Variants in PPL observed in about 807,000 individuals in gnomAD.
The protein encoded by PPL is periplakin.
Under a neutral mutation model 194.4 loss-of-function variants are expected in PPL, and 198 were observed. The ratio of observed to expected loss-of-function variants is 1.02; its 90% CI spans 0.91 to 1.15. PPL has a LOEUF of 1.15. PPL is among the 50% of genes most tolerant of loss of function. The pLI, the probability that PPL is intolerant of heterozygous loss-of-function variation, is 0.00. For missense variants in PPL, 2,885 were observed against 2,294.8 expected, an observed-to-expected ratio of 1.26 and a Z score of -5.25; for synonymous variants, 1,220 against 972.4, an observed-to-expected ratio of 1.25 and a Z score of -4.74.
At chr16:4,934,196 C>G (rs1413244549) in intron 1 of PPL, among the ~76,000 whole-genome samples, 1 of 152,180 alleles carries the variant, frequency 6.6e-6, no homozygotes, top group East Asian at 1.9e-4. Context: ...ACTCCCACAC[C>G]TGTCATTAGG....
In PPL at chr16:4,891,795, T is replaced by C; in HGVS notation, c.1968+16A>G. On this transcript the variant is annotated intron_variant, in intron 16 of 21. Transcript: ENST00000345988. ...TGCTCAGAGAAGGACTCCCAGGACT[T>C]GGGCCCTAGACTCACCGCCAGCTCC... is the stretch of plus-strand genomic sequence containing the variant. 6.3e-7 allele frequency: 1 copy of C among 1,596,494 alleles called. No individual in the cohort carries two copies. The highest frequency in any genetic ancestry group is 8.5e-7 in the Non-Finnish European group (1 of 1,172,338).
At position 4,884,297 on chromosome 16, in the gene PPL, G is replaced by T. The variant is rs753654745; in HGVS notation, c.4358C>A (p.Pro1453Gln). The T allele has an allele frequency of 6.2e-7, 1 of 1,611,124 alleles. No homozygotes were observed. The highest frequency in any genetic ancestry group is 1.3e-5 in the African/African-American group (1 of 74,914). ...HTQKVVLQQD[P>Q]QQAREHALLR... ...CAGGGCATGCTCTCGCGCCTGCTGC[G>T]GGTCCTGCTGCAGCACCACCTTCTG... Residue 1453 changes from proline (P) to glutamine (Q), a missense_variant, in exon 22 of 22, where the codon CCG becomes CAG. Pro to Gln is a moderately conservative substitution (Grantham distance 76). Transcript: ENST00000345988. This position sits in a 1 kb window ranked among gnomAD's most constrained non-coding sequence, Gnocchi z 5.7.
chr16:4,902,444 G>C lies in PPL; in HGVS notation c.400C>G (p.Pro134Ala), dbSNP rs753616422. The C allele has an allele frequency of 6.2e-7, 1 of 1,614,050 alleles. No individual in the cohort carries two copies. Residue 134 changes from proline (P) to alanine (A), a missense_variant, in exon 4 of 22, where the codon CCA (proline) becomes GCA (alanine). Pro to Ala is a conservative substitution (Grantham distance 27). Coordinates refer to ENST00000345988, the MANE Select transcript of PPL (RefSeq NM_002705.5). The surrounding 1 kb of genome is among the most constrained non-coding windows in gnomAD (Gnocchi z 4.0). ...ACCAGTGCCGCCCAGTTGACCTGTG[G>C]ATCCACTTCCTTCACCGCCAGCCTG... ...IYRLAVKEVD[P>A]QVNWAALVEE...
At position 4,903,879 on chromosome 16, in the gene PPL, G is replaced by A; in HGVS notation, c.317+7C>T. On this transcript the variant is annotated splice_region_variant and intron_variant, in intron 3 of 21. Coordinates refer to ENST00000345988, the MANE Select transcript of PPL (RefSeq NM_002705.5). The stretch of plus-strand genomic sequence containing the variant: ...CTCCCCTGGGGTAAGAAGCAGAAGG[G>A]ACCTACTCCTCGGCGATCATGTCCC... The A allele has an allele frequency of 6.2e-7, 1 of 1,613,790 alleles. No individual in the cohort carries two copies. Among genetic ancestry groups the A allele is most frequent in the Non-Finnish European group, 8.5e-7 (1 of 1,180,000 alleles).
At position 4,895,328 on chromosome 16, in the gene PPL, T is replaced by A. The variant is rs779327195; in HGVS notation, c.1175A>T (p.Lys392Met). 1.2e-6 allele frequency: 2 copies of A among 1,613,386 alleles called. No individual in the cohort carries two copies. Among genetic ancestry groups the A allele is most frequent in the East Asian group, 2.2e-5 (1 of 44,884 alleles). Residue 392 changes from lysine (K) to methionine (M), a missense_variant, in exon 11 of 22, where the codon AAG (lysine) becomes ATG (methionine). Lys to Met is a moderately conservative substitution (Grantham distance 95). Transcript: ENST00000345988. ...CTTGAGCGGAGTCTCCCGGCGGTAC[T>A]TGAGGGGCACCACCTGCTGGCCTCG... Reference protein sequence around the residue: ...QKRGQQVVPLKYRRETPLKPI... With the variant: ...QKRGQQVVPLMYRRETPLKPI...
At chr16:4,909,650 C>T (rs977557412) in intron 2 of PPL, among the ~76,000 whole-genome samples, 1 of 151,990 alleles carries the variant, frequency 6.6e-6, no homozygotes, top group African/African-American at 2.4e-5. Flanking sequence ...TGGTCTCAAA[C>T]TCCCGACCTC....
chr16:4,897,292 A>G lies in PPL; in HGVS notation c.972+383T>C, dbSNP rs557510912. Among the ~76,000 whole-genome samples the G allele has an allele frequency of 1.3e-3, 190 of 141,372 alleles. 3 individuals are homozygous for G. Among genetic ancestry groups the G allele is most frequent in the Non-Finnish European group, 2.2e-3 (148 of 66,254 alleles). The allele number at this position is 141,372 out of a possible 152,430, so 92.7% of individuals were successfully genotyped here. A position where few individuals can be genotyped will look rare whatever the true frequency, so the allele number is the denominator to read the frequency against. On this transcript the variant is annotated intron_variant, in intron 9 of 21. Coordinates refer to ENST00000345988, the MANE Select transcript of PPL (RefSeq NM_002705.5). ...GGAGGTTGTAGTGAGCCGAGATGGCACGACTGCACTCCAGCCTGGGTGACA... is the reference window on the plus strand; with the variant it reads ...GGAGGTTGTAGTGAGCCGAGATGGCGCGACTGCACTCCAGCCTGGGTGACA...
Position 4,914,641 on chromosome 16 carries a change from A to G in PPL, c.63-3692T>C, listed in dbSNP as rs75862420. Among the ~76,000 whole-genome samples the G allele has an allele frequency of 2.6e-4, 39 of 152,284 alleles. No homozygotes were observed. The East Asian group carries it at 7.3e-3, about 29-fold the overall frequency. On this transcript the variant is annotated intron_variant, in intron 1 of 21. Coordinates refer to ENST00000345988, the MANE Select transcript of PPL (RefSeq NM_002705.5). ...CAGGAACCCAACTCTTACAAGTCTT[A>G]TTCTTCCTTGGTCAAGGCACTTAGG...
Position 4,885,502 on chromosome 16 carries a change from C to T in PPL, c.3153G>A (p.Lys1051=), listed in dbSNP as rs2088200421. The change falls in exon 22 of 22, where the codon AAG becomes AAA. Residue 1051 remains lysine (K), a synonymous_variant. Transcript: ENST00000345988. This position sits in a 1 kb window ranked among gnomAD's most constrained non-coding sequence, Gnocchi z 6.3. ...GTTTCACCACCTCTTTCTCTGTGAC[C>T]TTCTCCTGCGCCCGGCTCTTCTCTT... The part of the protein sequence containing the change: ...LAEEKSRAQE[K]VTEKEVVKLQ... 7.4e-6 allele frequency: 12 copies of T among 1,611,708 alleles called. No individual in the cohort carries two copies. The highest frequency in any genetic ancestry group is 3.3e-5 in the South Asian group (3 of 91,074).
rs2088594235 is a variant in PPL, at chr16:4,902,467, C to A, written c.377G>T (p.Arg126Met). 1 of 1,614,054 alleles carries A rather than the reference C, an allele frequency of 6.2e-7. No homozygotes were observed. Among genetic ancestry groups the A allele is most frequent in the Non-Finnish European group, 8.5e-7 (1 of 1,179,952 alleles). ...TGGATCCACTTCCTTCACCGCCAGC[C>A]TGTAGATCTGCTTGTGTTTCCCGCG... The part of the protein sequence containing the change: ...NLRGKHKQIY[R>M]LAVKEVDPQV... The change falls in exon 4 of 22, where the codon AGG becomes ATG. Residue 126 changes from arginine (R) to methionine (M), a missense_variant. Physicochemically the swap from Arg to Met is moderately conservative, Grantham distance 91. Transcript: ENST00000345988. The surrounding 1 kb of genome is among the most constrained non-coding windows in gnomAD (Gnocchi z 4.0).
intron 2 of PPL, among the ~76,000 whole-genome samples, chr16:4,905,918 A>C (rs961871505): frequency 3.3e-5 from 5 of 152,204 alleles, no homozygotes; most frequent in African/African-American, 1.2e-4. Flanking sequence ...CAGCCTGGGC[A>C]ATATAGTGAG....
intron 1 of PPL, among the ~76,000 whole-genome samples, chr16:4,918,766 C>T (rs914745924): frequency 2.6e-5 from 4 of 152,228 alleles, no homozygotes; most frequent in African/African-American, 9.6e-5. Context: ...CACCATCCAG[C>T]TGGCCGCAGG....
chr16:4,935,736 C>T (rs1049695580), intron 1 of PPL, among the ~76,000 whole-genome samples: 2 of 152,224 alleles, frequency 1.3e-5, no homozygotes, highest in Non-Finnish European at 2.9e-5. Context: ...GGCCCCGCCG[C>T]CTGCACCTGT....
chr16:4,925,445 C>A (rs1390576323), intron 1 of PPL, among the ~76,000 whole-genome samples: 2 of 152,222 alleles, frequency 1.3e-5, no homozygotes, highest in Non-Finnish European at 2.9e-5. Flanking sequence ...TTGTGCATCA[C>A]CCATTGACGT....
rs1050638450 is a variant in PPL, at chr16:4,902,949, G to C, written c.318-423C>G. On this transcript the variant is annotated intron_variant, in intron 3 of 21. Coordinates refer to ENST00000345988, the MANE Select transcript of PPL (RefSeq NM_002705.5). This position sits in a 1 kb window ranked among gnomAD's most constrained non-coding sequence, Gnocchi z 4.0. Reference sequence around the variant, plus strand: ...GGTGATCCGTCCGCTTCGGCCTCCCGAAGTGCTGGGATCACAGGCGTGAGC... The same window carrying C: ...GGTGATCCGTCCGCTTCGGCCTCCCCAAGTGCTGGGATCACAGGCGTGAGC... Among the ~76,000 whole-genome samples, 1 of 152,136 alleles carries C rather than the reference G, an allele frequency of 6.6e-6. No homozygotes were observed. The highest frequency in any genetic ancestry group is 6.5e-5 in the Admixed American group (1 of 15,276).
At chr16:4,889,241 G>GTTGTTTT (rs2088274147) in intron 18 of PPL, among the ~76,000 whole-genome samples, 180 bp from the exon 19 acceptor site, 10 of 66,634 alleles carry the variant, frequency 1.5e-4, no homozygotes, top group Non-Finnish European at 2.2e-4. Flanking sequence ...TGTTGTTGTT[G>GTTGTTTT]TTTTTTTTTT....
rs75926745 is a variant in PPL, at chr16:4,919,066, C to G, written c.63-8117G>C. ...AGCCAGGAACACAAAGATATCCCCC[C>G]TCCCCACACACACACCGGAAAAGGG... is the stretch of plus-strand genomic sequence containing the variant. On this transcript the variant is annotated intron_variant, in intron 1 of 21. Coordinates refer to ENST00000345988, the MANE Select transcript of PPL (RefSeq NM_002705.5). 2.0e-5 allele frequency among the ~76,000 whole-genome samples: 3 copies of G among 152,228 alleles called. No homozygotes were observed. The South Asian group carries it at 6.2e-4, about 32-fold the overall frequency.
intron 1 of PPL, among the ~76,000 whole-genome samples, chr16:4,913,561 G>A (rs898725148): frequency 6.6e-6 from 1 of 152,198 alleles, no homozygotes; most frequent in Non-Finnish European, 1.5e-5. Flanking sequence ...TTTTGAGACC[G>A]AGTCTCACTC....
chr16:4,892,955 C>T, intron 14 of PPL: 1 of 448,400 alleles, frequency 2.2e-6, no homozygotes, highest in Non-Finnish European at 3.9e-6. Context: ...TTCCACAGCC[C>T]ATGTGCCATG....
Sources: gnomAD v4.1 joint callset for allele counts (sites outside exome capture counted in the v4.1 genomes callset) on GRCh38, gnomAD v4.1.1 for gene constraint, Gnocchi (gnomAD v3.1) non-coding constraint, MANE v1.5 for transcripts, NCBI Gene and HGNC (gene_info 2026-07-23, HGNC 2026-07-21) for gene names.